The following MGAT5B variants were observed in gnomAD, a reference collection of about 807,000 sequenced individuals.
The protein encoded by MGAT5B is alpha-1,6-mannosylglycoprotein 6-beta-N-acetylglucosaminyltransferase B.
A neutral mutation model predicts 95.1 loss-of-function variants in MGAT5B; 54 were observed. The observed-to-expected ratio is 0.57, with a 90% confidence interval of 0.46 to 0.71. The LOEUF is 0.71. MGAT5B is among the 30% of genes least tolerant of loss of function. The pLI is 0.00. For missense variants in MGAT5B, 935 were observed against 1,088.6 expected, an observed-to-expected ratio of 0.86 and a Z score of 1.99; for synonymous variants, 464 against 451.0, an observed-to-expected ratio of 1.03 and a Z score of -0.36.
chr17:76,880,546 T>C (rs1873588), intron 2 of MGAT5B, among the ~76,000 whole-genome samples: 36,217 of 152,154 alleles, frequency 0.24, 4,868 homozygotes, highest in East Asian at 0.38. Context: ...CCTCTCTCCT[T>C]TCCCTGTTCT....
Position 76,939,114 on chromosome 17 carries a change from G to C in MGAT5B, c.1584+971G>C, listed in dbSNP as rs1307889596. ...GATGCTTGCATGCAGTGAATAACCTGAACAACCTCACAGAACAGCCCTGGA... is the reference window on the plus strand; with the variant it reads ...GATGCTTGCATGCAGTGAATAACCTCAACAACCTCACAGAACAGCCCTGGA... On this transcript the variant is annotated intron_variant, in intron 13 of 17. Transcript: ENST00000569840. Among the ~76,000 whole-genome samples the C allele has an allele frequency of 2.7e-5, 4 of 150,194 alleles. No homozygotes were observed. In the Admixed American group the frequency reaches 2.7e-4, roughly 10 times the overall value.
chr17:76,875,118 C>T (rs1967139576), intron 2 of MGAT5B, among the ~76,000 whole-genome samples: 1 of 152,212 alleles, frequency 6.6e-6, no homozygotes, highest in Non-Finnish European at 1.5e-5. Flanking sequence ...AGGATAGTCA[C>T]GACTTGACTT....
rs1396807039 is a variant in MGAT5B at position 76,950,148 on chromosome 17, C to T, written c.*1310C>T. The T allele has an allele frequency of 2.0e-5, 3 of 152,544 alleles. No individual in the cohort carries two copies. The highest frequency in any genetic ancestry group is 2.9e-5 in the Non-Finnish European group (2 of 68,068). The allele number at this position is 152,544 out of a possible 1,614,324, so 9.4% of individuals were successfully genotyped here. A position where few individuals can be genotyped will look rare whatever the true frequency, so the allele number is the denominator to read the frequency against. ...CCTAGGCCTGCTCCTCCACCCTTCC[C>T]GGGAGGCAGCCCCGGGATGCTGAGA... On this transcript the variant is annotated 3_prime_UTR_variant, in exon 18 of 18. Coordinates refer to ENST00000569840, the MANE Select transcript of MGAT5B (RefSeq NM_001199172.2).
At chr17:76,902,738 CT>C in intron 4 of MGAT5B, 68 bp downstream of exon 4, 1 of 633,498 alleles carries the variant, frequency 1.6e-6, no homozygotes. Flanking sequence ...TGGGTGGGCC[CT>C]GGGAGGGTGG....
At chr17:76,878,594 C>T (rs779158667) in intron 2 of MGAT5B, among the ~76,000 whole-genome samples, 18 of 152,164 alleles carry the variant, frequency 1.2e-4, no homozygotes, top group Non-Finnish European at 2.5e-4. Context: ...CCCACCTCAG[C>T]CCTGAAAGTA....
rs545520041 is a variant in MGAT5B at position 76,947,851 on chromosome 17, C to T, written c.1945C>T (p.Pro649Ser). ...QHQDFCRAPD[P>S]ALPEAHAPQS... Reference sequence around the variant, plus strand: ...GCAGGACTTCTGCAGAGCTCCAGACCCTGCCCTACCAGAGGCCCACGCCCC... The same window carrying T: ...GCAGGACTTCTGCAGAGCTCCAGACTCTGCCCTACCAGAGGCCCACGCCCC... The change falls in exon 17 of 18, where the codon CCT (proline) becomes TCT (serine). Residue 649 changes from proline (P) to serine (S), a missense_variant. Physicochemically the swap from Pro to Ser is moderately conservative, Grantham distance 74 (BLOSUM62 -1). Coordinates refer to ENST00000569840, the MANE Select transcript of MGAT5B (RefSeq NM_001199172.2). The T allele has an allele frequency of 7.6e-6, 12 of 1,586,102 alleles. No homozygotes were observed. In the African/African-American group the frequency reaches 1.2e-4, roughly 16 times the overall value.
chr17:76,887,154 CA>C (rs1967663620), intron 3 of MGAT5B, among the ~76,000 whole-genome samples: 1 of 152,188 alleles, frequency 6.6e-6, no homozygotes, highest in Non-Finnish European at 1.5e-5. Flanking sequence ...CCTGCTGACC[CA>C]CCTGGGTGTC....
At chr17:76,897,728 T>TCTTTCTTTCTTTCTTC in intron 3 of MGAT5B, among the ~76,000 whole-genome samples, 1 of 58,696 alleles carries the variant, frequency 1.7e-5, no homozygotes, top group East Asian at 7.3e-4. Context: ...TTTCTTTCTT[T>TCTTTCTTTCTTTCTTC]TTCTTTTTTT....
intron 2 of MGAT5B, among the ~76,000 whole-genome samples, chr17:76,874,744 G>T (rs1445370991): frequency 3.9e-5 from 6 of 152,126 alleles, no homozygotes; most frequent in Admixed American, 3.3e-4. Flanking sequence ...ATCTGGGCAG[G>T]ATCAGACTCA....
chr17:76,913,235 T>TC, intron 8 of MGAT5B, among the ~76,000 whole-genome samples: 1 of 152,300 alleles, frequency 6.6e-6, no homozygotes, highest in East Asian at 1.9e-4. Flanking sequence ...AGGTGGGGAC[T>TC]CCATCTGCTT....
chr17:76,926,674 A>G lies in MGAT5B; in HGVS notation c.1235A>G (p.Tyr412Cys). The G allele has an allele frequency of 6.2e-7, 1 of 1,612,720 alleles. No individual in the cohort carries two copies. Among genetic ancestry groups the G allele is most frequent in the Non-Finnish European group, 8.5e-7 (1 of 1,179,912 alleles). The stretch of plus-strand genomic sequence containing the variant: ...GAGGAGTACGCCACGCTGCACGGCT[A>G]CCGGACCAACTGGGGCTACTGGAAC... The part of the protein sequence containing the change: ...NHEEYATLHG[Y>C]RTNWGYWNLN... Residue 412 changes from tyrosine to cysteine, a missense_variant, in exon 10 of 18, where the codon TAC becomes TGC. Coordinates refer to ENST00000569840, the MANE Select transcript of MGAT5B (RefSeq NM_001199172.2).
rs781366300 is a variant in MGAT5B at position 76,906,499 on chromosome 17, C to T, written c.1025+312C>T. Among the ~76,000 whole-genome samples, 6 of 152,236 alleles carry T rather than the reference C, an allele frequency of 3.9e-5. No individual in the cohort carries two copies. Among genetic ancestry groups the T allele is most frequent in the Admixed American group, 6.5e-5 (1 of 15,282 alleles). ...CTTGTGGAATTGAGCCACGTCTGCA[C>T]GTGGGGTCCCCTCTGCCTGCCGTCC... is the stretch of plus-strand genomic sequence containing the variant. On this transcript the variant is annotated intron_variant, in intron 8 of 17. Transcript: ENST00000569840. The surrounding 1 kb of genome is among the most constrained non-coding windows in gnomAD (Gnocchi z 4.6).
rs903673618 is a variant in MGAT5B at position 76,915,138 on chromosome 17, A to G, written c.1025+8951A>G. Reference sequence around the variant, plus strand: ...GGTGTGCTTGTTTATTTTTCGAGATAAGAGAGTGCACTCATGTTTAAATGT... The same window carrying G: ...GGTGTGCTTGTTTATTTTTCGAGATGAGAGAGTGCACTCATGTTTAAATGT... On this transcript the variant is annotated intron_variant, in intron 8 of 17. Coordinates refer to ENST00000569840, the MANE Select transcript of MGAT5B (RefSeq NM_001199172.2). The surrounding 1 kb of genome is among the most constrained non-coding windows in gnomAD (Gnocchi z 8.7). Among the ~76,000 whole-genome samples, 1 of 152,172 alleles carries G rather than the reference A, an allele frequency of 6.6e-6. No homozygotes were observed. The highest frequency in any genetic ancestry group is 1.5e-5 in the Non-Finnish European group (1 of 68,020).
rs905559894 is a variant in MGAT5B at position 76,906,645 on chromosome 17, C to T, written c.1025+458C>T. On this transcript the variant is annotated intron_variant, in intron 8 of 17. Coordinates refer to ENST00000569840, the MANE Select transcript of MGAT5B (RefSeq NM_001199172.2). This position sits in a 1 kb window ranked among gnomAD's most constrained non-coding sequence, Gnocchi z 4.6. The stretch of plus-strand genomic sequence containing the variant: ...TGGGTGGGTGGTGCCTGTCCCTTAC[C>T]CAGTGCTGGGCTTTTCACGGTCCCT... Among the ~76,000 whole-genome samples the T allele has an allele frequency of 1.3e-5, 2 of 152,036 alleles. No individual in the cohort carries two copies. Among genetic ancestry groups the T allele is most frequent in the East Asian group, 3.9e-4 (2 of 5,172 alleles).
rs372195760 is a variant in MGAT5B, at chr17:76,905,128, G to A, written c.691-41G>A. On this transcript the variant is annotated intron_variant, in intron 6 of 17. Transcript: ENST00000569840. This position sits in a 1 kb window ranked among gnomAD's most constrained non-coding sequence, Gnocchi z 4.2. ...AGGCCAGCGGGGAATGATGGTGGCC[G>A]CAGGTTGAGGGGCAGAGAGCTGAGG... The A allele has an allele frequency of 1.8e-4, 288 of 1,563,710 alleles. No individual in the cohort carries two copies. In the African/African-American group the frequency reaches 3.3e-3, roughly 18 times the overall value.
At chr17:76,896,240 G>T (rs1250950680) in intron 3 of MGAT5B, among the ~76,000 whole-genome samples, 3 of 152,224 alleles carry the variant, frequency 2.0e-5, no homozygotes, top group Non-Finnish European at 2.9e-5. Flanking sequence ...AGGGAGAGAA[G>T]CCTAATTGTA....
intron 3 of MGAT5B, among the ~76,000 whole-genome samples, chr17:76,886,671 A>C (rs1967640449): frequency 6.6e-6 from 1 of 152,172 alleles, no homozygotes; most frequent in Non-Finnish European, 1.5e-5. Context: ...AGGAGGGGCC[A>C]CCTGGGAGCA....
chr17:76,938,132 C>T lies in MGAT5B; in HGVS notation c.1573C>T (p.Arg525Cys), dbSNP rs371835365. 1.9e-6 allele frequency: 3 copies of T among 1,613,992 alleles called. No homozygotes were observed. Among genetic ancestry groups the T allele is most frequent in the South Asian group, 1.1e-5 (1 of 91,082 alleles). Residue 525 changes from arginine (R) to cysteine (C), a missense_variant, in exon 13 of 18, where the codon CGC becomes TGC. Physicochemically the swap from Arg to Cys is radical, Grantham distance 180 (BLOSUM62 -3). Around this residue, in one of 4 missense-constraint regions of MGAT5B, gnomAD observed 440 missense variants for 523.6 expected, o/e 0.84. Transcript: ENST00000569840. This position sits in a 1 kb window ranked among gnomAD's most constrained non-coding sequence, Gnocchi z 4.3. Reference sequence around the variant, plus strand: ...GCAGCCTGAGTTTCAGCAGCTGCTGCGCAAGGCCAAAGTGAGCTCCCATCC... The same window carrying T: ...GCAGCCTGAGTTTCAGCAGCTGCTGTGCAAGGCCAAAGTGAGCTCCCATCC... ...LPQPEFQQLL[R>C]KAKLFIGFGF...
At chr17:76,904,551 G>A (rs773653305) in intron 6 of MGAT5B, 129 bp downstream of exon 6, 23 of 1,099,012 alleles carry the variant, frequency 2.1e-5, no homozygotes, top group Admixed American at 2.7e-5. Context: ...GCAGGTCCGA[G>A]CCCACCCTAC....
Sources: gnomAD v4.1 joint callset for allele counts (sites outside exome capture counted in the v4.1 genomes callset) on GRCh38, gnomAD v4.1.1 for gene constraint, gnomAD v4.1.1 regional missense constraint, Gnocchi (gnomAD v3.1) non-coding constraint, MANE v1.5 for transcripts, NCBI Gene and HGNC (gene_info 2026-07-23, HGNC 2026-07-21) for gene names.